Variants in GRB10 observed in about 807,000 individuals in gnomAD.
GRB10 encodes the protein growth factor receptor bound protein 10.
GRB10 carries 20 observed loss-of-function variants against 80.9 expected under a neutral mutation model. The observed-to-expected ratio is 0.25, with a 90% CI of 0.17 to 0.36. The LOEUF (loss-of-function observed/expected upper bound fraction) is 0.36, where lower values mean the gene tolerates loss of function less well. Among genes scored for constraint, GRB10 ranks in the 10% least tolerant of loss-of-function variants. GRB10 has a pLI of 1.00. For synonymous variants in GRB10, 291 were observed against 291.5 expected (o/e 1.00, Z 0.02); for missense variants, 548 against 747.7 (o/e 0.73, Z 3.12).
intron 7 of GRB10, among the ~76,000 whole-genome samples, chr7:50,629,047 T>C (rs182169928): frequency 2.6e-5 from 4 of 152,310 alleles, no homozygotes; most frequent in East Asian, 1.9e-4. Flanking sequence ...CTAACCATCA[T>C]AGGGAATGTC....
At chr7:50,672,113 T>G (rs1233581534) in intron 6 of GRB10, among the ~76,000 whole-genome samples, 3 of 152,226 alleles carry the variant, frequency 2.0e-5, no homozygotes, top group Non-Finnish European at 4.4e-5. Flanking sequence ...CTTTCCTATG[T>G]GCAAAGCCTT....
chr7:50,734,754 G>A (rs898126496), intron 3 of GRB10, among the ~76,000 whole-genome samples: 2 of 152,204 alleles, frequency 1.3e-5, no homozygotes, highest in Admixed American at 6.5e-5. Flanking sequence ...CAGTGGAACA[G>A]TTTCCTTGGG....
At chr7:50,598,055 G>A (rs1200393146) in intron 17 of GRB10, among the ~76,000 whole-genome samples, 1 of 152,064 alleles carries the variant, frequency 6.6e-6, no homozygotes, top group Non-Finnish European at 1.5e-5. Context: ...GTAGAGATGG[G>A]GTTTCATGGT....
intron 3 of GRB10, 115 bp from the exon 4 acceptor site, chr7:50,732,483 A>G (rs2069986952): frequency 1.0e-5 from 7 of 686,122 alleles, no homozygotes; most frequent in Admixed American, 2.3e-5. Context: ...CTTAGCTTGT[A>G]GGTTCAGTAA....
chr7:50,717,119 T>TA (rs1249539622), intron 4 of GRB10, among the ~76,000 whole-genome samples: 1 of 152,204 alleles, frequency 6.6e-6, no homozygotes, highest in Admixed American at 6.5e-5. Flanking sequence ...TGAGATGAGG[T>TA]ATACAAAGTC....
chr7:50,612,918 G>T lies in GRB10; in HGVS notation c.1096-79C>A. The T allele has an allele frequency of 4.4e-6, 4 of 909,628 alleles. No individual in the cohort carries two copies. The South Asian group carries it at 5.5e-5, about 13-fold the overall frequency. 56.3% of individuals were successfully genotyped at this position (909,628 alleles called of 1,614,324 possible). Reference sequence around the variant, plus strand: ...CTTCTGTCAAGGCAGGGCTGCATCTGACACAAACCAGAGACAACCAGCTGG... The same window carrying T: ...CTTCTGTCAAGGCAGGGCTGCATCTTACACAAACCAGAGACAACCAGCTGG... On this transcript the variant is annotated intron_variant, in intron 12 of 18. Transcript: ENST00000401949.
intron 13 of GRB10, among the ~76,000 whole-genome samples, chr7:50,608,154 GC>G (rs1394761293): frequency 1.3e-5 from 2 of 152,180 alleles, no homozygotes; most frequent in Non-Finnish European, 2.9e-5. Flanking sequence ...GGATAAGTAA[GC>G]CCGCTCCGAG....
intron 18 of GRB10, 88 bp from the exon 19 acceptor site, chr7:50,593,186 C>T: frequency 6.8e-7 from 1 of 1,461,310 alleles, no homozygotes; most frequent in Non-Finnish European, 9.6e-7. Flanking sequence ...GCTACATCTG[C>T]CCATGATTTG....
At chr7:50,649,731 T>G (rs1191216028) in intron 7 of GRB10, among the ~76,000 whole-genome samples, 1 of 152,074 alleles carries the variant, frequency 6.6e-6, no homozygotes, top group East Asian at 1.9e-4. Flanking sequence ...CAGGAAGCAC[T>G]GGATATGGGA....
rs372727218 is a variant in GRB10, at chr7:50,669,734, G to A, written c.492C>T (p.Ala164=). Residue 164 remains alanine, a synonymous_variant, in exon 7 of 19, where the codon GCC becomes GCT. Coordinates refer to ENST00000401949, the MANE Select transcript of GRB10 (RefSeq NM_001350814.2). ...GGGGCACACTCACCTGCTTTGCGGC[G>A]GCCTGGCTCGGAGGTAAAGAACCCG... ...LTPGSLPPSQ[A]AAKQDVKVFS... 1.5e-4 allele frequency: 244 copies of A among 1,613,160 alleles called. No homozygotes were observed. The East Asian group carries it at 3.5e-3, about 23-fold the overall frequency.
chr7:50,705,132 A>T, intron 4 of GRB10: 1 of 985,284 alleles, frequency 1.0e-6, no homozygotes, highest in Non-Finnish European at 1.2e-6. Context: ...TGCTGCGTGC[A>T]CACTGACCTG....
At chr7:50,670,474 A>G (rs1245851044) in intron 6 of GRB10, among the ~76,000 whole-genome samples, 1 of 145,752 alleles carries the variant, frequency 6.9e-6, no homozygotes, top group Non-Finnish European at 1.5e-5. Context: ...ACAAGTTGTC[A>G]TTCTCAGACC....
intron 17 of GRB10, among the ~76,000 whole-genome samples, chr7:50,602,000 T>A (rs1020340755): frequency 6.6e-6 from 1 of 152,168 alleles, no homozygotes; most frequent in Non-Finnish European, 1.5e-5. Context: ...AGAAGAGGTT[T>A]TGACTGAAAT....
intron 13 of GRB10, among the ~76,000 whole-genome samples, chr7:50,608,382 T>C (rs2048909147): frequency 6.6e-6 from 1 of 152,098 alleles, no homozygotes; most frequent in Non-Finnish European, 1.5e-5. Flanking sequence ...CCTTCAAGAA[T>C]GAAAGTGAAA....
intron 2 of GRB10, among the ~76,000 whole-genome samples, chr7:50,757,692 A>G (rs1042670909): frequency 6.6e-6 from 1 of 152,368 alleles, no homozygotes; most frequent in East Asian, 1.9e-4. Flanking sequence ...AAAAGGGTGC[A>G]TGGGCAAACA....
At chr7:50,662,455 C>A (rs1355992514) in intron 7 of GRB10, among the ~76,000 whole-genome samples, 3 of 152,214 alleles carry the variant, frequency 2.0e-5, no homozygotes, top group Admixed American at 6.5e-5. Context: ...CCAGTGTGTG[C>A]TGCATTTGGG....
chr7:50,613,865 TTG>T (rs2050036928), intron 12 of GRB10, among the ~76,000 whole-genome samples: 1 of 152,206 alleles, frequency 6.6e-6, no homozygotes, highest in African/African-American at 2.4e-5. Flanking sequence ...GCTCCCCGTA[TTG>T]TGTGTTCTCG....
At chr7:50,733,919 T>C (rs56012512) in intron 3 of GRB10, among the ~76,000 whole-genome samples, 6,779 of 152,224 alleles carry the variant, frequency 0.045, 506 homozygotes, top group African/African-American at 0.16. Context: ...ACACTGAGAT[T>C]TCCTAGAGAA....
intron 5 of GRB10, among the ~76,000 whole-genome samples, chr7:50,699,076 A>G (rs2063816156): frequency 6.6e-6 from 1 of 152,090 alleles, no homozygotes; most frequent in African/African-American, 2.4e-5. Flanking sequence ...ACATTTCCCA[A>G]TTGTTTTTTC....
Sources: allele counts gnomAD v4.1 joint callset (sites outside exome capture counted in the v4.1 genomes callset), GRCh38; gene constraint gnomAD v4.1.1; transcripts MANE v1.5; gene names NCBI Gene and HGNC (gene_info 2026-07-23, HGNC 2026-07-21).